Variants in ACER2 observed in about 807,000 individuals in gnomAD.
ACER2 encodes alkaline ceramidase 2.
Under a neutral mutation model 34.7 loss-of-function variants are expected in ACER2, and 26 were observed. The observed-to-expected ratio is 0.75, with a 90% CI of 0.55 to 1.04. The LOEUF (loss-of-function observed/expected upper bound fraction) is 1.04, where lower values mean the gene tolerates loss of function less well. Among genes scored for constraint, ACER2 ranks in the 50% least tolerant of loss-of-function variants. ACER2 has a pLI of 0.00. For synonymous variants in ACER2, 138 were observed against 132.1 expected, an observed-to-expected ratio of 1.04 and a Z score of -0.31; for missense variants, 352 against 340.8, an observed-to-expected ratio of 1.03 and a Z score of -0.26.
At chr9:19,448,004 CTTTTT>C (rs557934540) in intron 5 of ACER2, among the ~76,000 whole-genome samples, 1 of 109,900 alleles carries the variant, frequency 9.1e-6, no homozygotes, top group African/African-American at 3.5e-5. Context: ...ACGATGCAAA[CTTTTT>C]TTTTTTTTTT....
At chr9:19,424,274 G>A (rs1167684706) in intron 2 of ACER2, 1 of 785,346 alleles carries the variant, frequency 1.3e-6, no homozygotes, top group East Asian at 1.3e-4. Flanking sequence ...TGGGGAGGCT[G>A]GTTTCTAATG....
intron 1 of ACER2, among the ~76,000 whole-genome samples, chr9:19,413,982 G>A (rs146999609): frequency 6.6e-6 from 1 of 152,282 alleles, no homozygotes; most frequent in African/African-American, 2.4e-5. Context: ...CATATGGGTG[G>A]TGAGGGCTAT....
chr9:19,441,760 G>T (rs951421465), intron 4 of ACER2, among the ~76,000 whole-genome samples: 1 of 152,038 alleles, frequency 6.6e-6, no homozygotes, highest in African/African-American at 2.4e-5. Flanking sequence ...TCACTGCTTT[G>T]TCACTTACCA....
intron 4 of ACER2, among the ~76,000 whole-genome samples, chr9:19,436,522 T>A (rs1830982848): frequency 6.7e-6 from 1 of 150,072 alleles, no homozygotes; most frequent in South Asian, 2.1e-4. Context: ...CTTACAGCCT[T>A]TTTTATTCTT....
chr9:19,411,437 T>G (rs1214858480), intron 1 of ACER2, among the ~76,000 whole-genome samples: 1 of 152,172 alleles, frequency 6.6e-6, no homozygotes, highest in East Asian at 1.9e-4. Flanking sequence ...CAGGCTTGAG[T>G]GCTGTGGTGC....
chr9:19,420,208 T>G lies in ACER2; in HGVS notation c.109-3654T>G, dbSNP rs540288500. On this transcript the variant is annotated intron_variant, in intron 1 of 5. Coordinates refer to ENST00000340967, the MANE Select transcript of ACER2 (RefSeq NM_001010887.3). ...TGAGACGTCCTCTAAGTGACCATTGTGTATTGTCCAACATGAGTAACCGCT... is the reference window on the plus strand; with the variant it reads ...TGAGACGTCCTCTAAGTGACCATTGGGTATTGTCCAACATGAGTAACCGCT... Among the ~76,000 whole-genome samples the G allele has an allele frequency of 5.3e-5, 8 of 152,348 alleles. No homozygotes were observed. In the East Asian group the frequency reaches 1.2e-3, roughly 22 times the overall value.
chr9:19,420,595 G>C (rs552088057), intron 1 of ACER2, among the ~76,000 whole-genome samples: 23 of 152,352 alleles, frequency 1.5e-4, no homozygotes, highest in African/African-American at 5.0e-4. Context: ...AAATGCTGCT[G>C]TGGGAAAATG....
intron 5 of ACER2, 32 bp from the exon 6 acceptor site, chr9:19,450,418 A>C (rs377198337): frequency 1.9e-6 from 3 of 1,553,300 alleles, no homozygotes; most frequent in Non-Finnish European, 2.6e-6. Context: ...CTTCATGCTC[A>C]TCAGGTTCTC....
intron 1 of ACER2, among the ~76,000 whole-genome samples, chr9:19,417,440 C>G (rs185191894): frequency 3.3e-5 from 5 of 152,146 alleles, no homozygotes; most frequent in Non-Finnish European, 7.3e-5. Context: ...AAGAACAAAG[C>G]TGGAGGCATC....
intron 5 of ACER2, chr9:19,450,143 G>A (rs1831513571): frequency 3.1e-6 from 3 of 956,020 alleles, no homozygotes; most frequent in Non-Finnish European, 3.7e-6. Flanking sequence ...TAGCATCTCT[G>A]TTGTAAATCC....
chr9:19,413,875 G>A (rs572334177), intron 1 of ACER2, among the ~76,000 whole-genome samples: 6 of 152,106 alleles, frequency 3.9e-5, no homozygotes, highest in African/African-American at 1.4e-4. Flanking sequence ...CCTAAGTCCC[G>A]CTCTCTTCAG....
rs916011703 is a variant in ACER2 at position 19,450,333 on chromosome 9, G to A, written c.642-117G>A. On this transcript the variant is annotated intron_variant, in intron 5 of 5. Transcript: ENST00000340967. ...CCTTTCCTAATTAGAAGAGGCCCCTGGGCTGCAACTACAGTCAGCAAGGTG... is the reference window on the plus strand; with the variant it reads ...CCTTTCCTAATTAGAAGAGGCCCCTAGGCTGCAACTACAGTCAGCAAGGTG... The A allele has an allele frequency of 1.4e-5, 19 of 1,373,322 alleles. No individual in the cohort carries two copies. The African/African-American group carries it at 2.7e-4, about 20-fold the overall frequency. 85.1% of individuals were successfully genotyped at this position (1,373,322 alleles called of 1,614,324 possible). A position where few individuals can be genotyped will look rare whatever the true frequency, so the allele number is the denominator to read the frequency against.
Position 19,423,847 on chromosome 9 carries a change from A to G in ACER2, c.109-15A>G, listed in dbSNP as rs757294818. 57 of 1,600,826 alleles carry G rather than the reference A, an allele frequency of 3.6e-5. No individual in the cohort carries two copies. The highest frequency in any genetic ancestry group is 4.6e-5 in the Non-Finnish European group (54 of 1,168,484). ...CTTAATACTCATCTTTCTGTTTTAC[A>G]TTTTTTTCCTGCAGATCAGCAATGT... On this transcript the variant is annotated splice_polypyrimidine_tract_variant and intron_variant, in intron 1 of 5. Coordinates refer to ENST00000340967, the MANE Select transcript of ACER2 (RefSeq NM_001010887.3).
In ACER2 at chr9:19,424,772, G is replaced by A; in HGVS notation, c.296G>A (p.Trp99Ter). The A allele has an allele frequency of 6.2e-7, 1 of 1,614,060 alleles. No homozygotes were observed. The highest frequency in any genetic ancestry group is 8.5e-7 in the Non-Finnish European group (1 of 1,180,014). ...GQMLDELAVLWVLMCALAMWF... is the reference protein window; with the variant it reads ...GQMLDELAVL ...ATGCTTGATGAACTTGCAGTCCTTT[G>A]GGTTCTGATGTGTGCTTTGGCCATG... The change falls in exon 3 of 6, where the codon TGG becomes TAG. Residue 99 changes from tryptophan to a stop codon, truncating the protein, a stop_gained. Transcript: ENST00000340967. LOFTEE classifies it high-confidence loss of function.
chr9:19,423,261 TAATAAG>T (rs1182672815), intron 1 of ACER2, among the ~76,000 whole-genome samples: 1 of 152,186 alleles, frequency 6.6e-6, no homozygotes, highest in Admixed American at 6.5e-5. Flanking sequence ...AATTCTTAGT[TAATAAG>T]AATAAGAGAG....
rs79403598 is a variant in ACER2 at position 19,440,555 on chromosome 9, C to G, written c.503+5471C>G. 3.6e-3 allele frequency among the ~76,000 whole-genome samples: 551 copies of G among 152,248 alleles called. 4 individuals carry two copies. The highest frequency in any genetic ancestry group is 0.013 in the African/African-American group (526 of 41,532). ...TAGGTGTCATCTGTGAGGAATGGCC[C>G]TCACTAGACACTGATTCTGCTGGCA... On this transcript the variant is annotated intron_variant, in intron 4 of 5. Transcript: ENST00000340967.
chr9:19,442,000 C>T (rs2132521719), intron 4 of ACER2, among the ~76,000 whole-genome samples: 1 of 152,216 alleles, frequency 6.6e-6, no homozygotes. Flanking sequence ...AGCCTTTATT[C>T]CTAAAGCTTG....
chr9:19,420,352 G>T (rs1830367121), intron 1 of ACER2, among the ~76,000 whole-genome samples: 1 of 152,114 alleles, frequency 6.6e-6, no homozygotes, highest in African/African-American at 2.4e-5. Context: ...CCATCCCGAT[G>T]GGTGTTACTC....
At chr9:19,443,197 A>AT (rs901546909) in intron 4 of ACER2, among the ~76,000 whole-genome samples, 24 of 151,848 alleles carry the variant, frequency 1.6e-4, no homozygotes, top group African/African-American at 4.8e-4. Context: ...TGCCCAGCTA[A>AT]TTTTTTTTGT....
Sources: gnomAD v4.1 joint callset for allele counts (sites outside exome capture counted in the v4.1 genomes callset) on GRCh38, gnomAD v4.1.1 for gene constraint, MANE v1.5 for transcripts, NCBI Gene and HGNC (gene_info 2026-07-23, HGNC 2026-07-21) for gene names.